SYNDIG1: variants seen among roughly 807,000 people sequenced by gnomAD.
SYNDIG1 encodes synapse differentiation inducing 1.
SYNDIG1 carries 9 observed loss-of-function variants against 19.4 expected under a neutral mutation model. The ratio of observed to expected loss-of-function variants is 0.46; its 90% CI spans 0.28 to 0.81. SYNDIG1 has a LOEUF of 0.81. Ranked by LOEUF, SYNDIG1 falls within the 30% of genes least tolerant of loss-of-function variation. The pLI is 0.12. For synonymous variants in SYNDIG1, 141 were observed against 145.9 expected (o/e 0.97, Z 0.24); for missense variants, 311 against 343.3 (o/e 0.91, Z 0.74).
rs771324913 is a variant in SYNDIG1 at position 24,543,097 on chromosome 20, C to T, written c.-1C>T. 1 of 1,612,438 alleles carries T rather than the reference C, an allele frequency of 6.2e-7. No individual in the cohort carries two copies. Among genetic ancestry groups the T allele is most frequent in the Admixed American group, 1.7e-5 (1 of 59,976 alleles). ...TGACGCCCAGCCAGGGAGAGAGTAC[C>T]ATGGATGGCATCATTGAACAGAAGA... On this transcript the variant is annotated 5_prime_UTR_variant, in exon 2 of 4. Coordinates refer to ENST00000376862, the MANE Select transcript of SYNDIG1 (RefSeq NM_024893.3).
In SYNDIG1 at chr20:24,658,916, G is replaced by A. The variant is rs1246695791; in HGVS notation, c.619-6430G>A. Among the ~76,000 whole-genome samples the A allele has an allele frequency of 6.6e-6, 1 of 152,136 alleles. No individual in the cohort carries two copies. The highest frequency in any genetic ancestry group is 2.4e-5 in the African/African-American group (1 of 41,424). On this transcript the variant is annotated intron_variant, in intron 3 of 3. Coordinates refer to ENST00000376862, the MANE Select transcript of SYNDIG1 (RefSeq NM_024893.3). This position sits in a 1 kb window ranked among gnomAD's most constrained non-coding sequence, Gnocchi z 4.4. ...CAGTCACATGAGCCATGCCCCAAGT[G>A]CCATGTAGACGCAGCAAGTGGCACA... is the stretch of plus-strand genomic sequence containing the variant.
chr20:24,471,091 T>G (rs1165759792), intron 1 of SYNDIG1, among the ~76,000 whole-genome samples: 1 of 152,130 alleles, frequency 6.6e-6, no homozygotes, highest in Non-Finnish European at 1.5e-5. Flanking sequence ...GTGTTTGGTC[T>G]GAGTCCAAAG....
chr20:24,598,163 G>A (rs11906967), intron 3 of SYNDIG1, among the ~76,000 whole-genome samples: 4,634 of 152,318 alleles, frequency 0.03, 151 homozygotes, highest in African/African-American at 0.083. Context: ...GAAATGCGCT[G>A]CTGCAGACGG....
At chr20:24,640,309 A>G (rs910266471) in intron 3 of SYNDIG1, among the ~76,000 whole-genome samples, 22 of 151,644 alleles carry the variant, frequency 1.5e-4, no homozygotes, top group African/African-American at 5.1e-4. Context: ...TGACAGTGAG[A>G]AAAAAAAGAA....
intron 2 of SYNDIG1, among the ~76,000 whole-genome samples, chr20:24,547,206 G>C (rs999177047): frequency 2.6e-5 from 4 of 152,218 alleles, no homozygotes; most frequent in Non-Finnish European, 5.9e-5. Context: ...TGGAGCTCCT[G>C]GGCACTGGGT....
At position 24,543,196 on chromosome 20, in the gene SYNDIG1, C is replaced by T. The variant is rs200752294; in HGVS notation, c.99C>T (p.Ala33=). The T allele has an allele frequency of 7.4e-6, 12 of 1,613,994 alleles. No homozygotes were observed. Among genetic ancestry groups the T allele is most frequent in the Middle Eastern group, 1.6e-4 (1 of 6,062 alleles). ...NGLINTRNLM[A]ESRDGLVSVY... ...TAATTAACACCAGAAACTTGATGGC[C>T]GAGAGCAGAGATGGTCTGGTGTCTG... The change falls in exon 2 of 4, where the codon GCC becomes GCT. Residue 33 remains alanine, a synonymous_variant. Transcript: ENST00000376862.
chr20:24,577,030 A>C (rs967428618), intron 2 of SYNDIG1, among the ~76,000 whole-genome samples: 2 of 149,644 alleles, frequency 1.3e-5, no homozygotes, highest in Non-Finnish European at 3.0e-5. Flanking sequence ...CAAAAAAAAA[A>C]CTGCTACCTA....
intron 1 of SYNDIG1, among the ~76,000 whole-genome samples, chr20:24,501,595 G>A (rs541559359): frequency 6.6e-6 from 1 of 152,298 alleles, no homozygotes; most frequent in South Asian, 2.1e-4. Flanking sequence ...CCACTTATTA[G>A]CTGTGTGACC....
intron 2 of SYNDIG1, among the ~76,000 whole-genome samples, chr20:24,578,849 T>C (rs1393703823): frequency 6.6e-6 from 1 of 152,156 alleles, no homozygotes; most frequent in Non-Finnish European, 1.5e-5. Context: ...TTTTGTGCCT[T>C]TCCACAGTGT....
intron 3 of SYNDIG1, among the ~76,000 whole-genome samples, chr20:24,653,321 C>T (rs1296860656): frequency 3.9e-5 from 6 of 152,172 alleles, no homozygotes; most frequent in Non-Finnish European, 8.8e-5. Flanking sequence ...ACTCCACCAC[C>T]ACCGTGAGGA....
chr20:24,616,337 C>A (rs1408431092), intron 3 of SYNDIG1, among the ~76,000 whole-genome samples: 3 of 152,238 alleles, frequency 2.0e-5, no homozygotes, highest in Non-Finnish European at 4.4e-5. Context: ...CTGGCCGGCA[C>A]CTCCTTCCCA....
intron 3 of SYNDIG1, among the ~76,000 whole-genome samples, chr20:24,659,135 C>T (rs2059559524): frequency 6.6e-6 from 1 of 152,190 alleles, no homozygotes; most frequent in African/African-American, 2.4e-5. Flanking sequence ...CTCCCTGTGC[C>T]CTGTTGAGCC....
At chr20:24,624,927 GA>G (rs2059099082) in intron 3 of SYNDIG1, among the ~76,000 whole-genome samples, 1 of 151,970 alleles carries the variant, frequency 6.6e-6, no homozygotes, top group East Asian at 1.9e-4. Context: ...TTGGAACTTA[GA>G]AAAAAACCCT....
At chr20:24,490,880 C>T (rs2056127543) in intron 1 of SYNDIG1, among the ~76,000 whole-genome samples, 1 of 152,150 alleles carries the variant, frequency 6.6e-6, no homozygotes, top group Admixed American at 6.5e-5. Flanking sequence ...AAATTTGCAC[C>T]AGTGTGAGTG....
At chr20:24,574,534 A>G (rs2058196630) in intron 2 of SYNDIG1, among the ~76,000 whole-genome samples, 1 of 151,952 alleles carries the variant, frequency 6.6e-6, no homozygotes, top group Non-Finnish European at 1.5e-5. Context: ...AATAAAAATA[A>G]TGCATTTGCT....
intron 3 of SYNDIG1, among the ~76,000 whole-genome samples, chr20:24,663,132 A>G (rs6114819): frequency 0.53 from 80,661 of 152,064 alleles, 24,437 homozygotes; most frequent in East Asian, 0.87. Flanking sequence ...TCTGCCTTGC[A>G]GGAGTGGGCA....
chr20:24,600,164 T>C lies in SYNDIG1; in HGVS notation c.618+15171T>C, dbSNP rs150491452. ...TTTCCACATATGTGATATATTATTA[T>C]ACATTTTTGAAAGTTAGAAAAAAGG... On this transcript the variant is annotated intron_variant, in intron 3 of 3. Coordinates refer to ENST00000376862, the MANE Select transcript of SYNDIG1 (RefSeq NM_024893.3). 7.4e-4 allele frequency among the ~76,000 whole-genome samples: 112 copies of C among 152,354 alleles called. No homozygotes were observed. The East Asian group carries it at 0.014, about 20-fold the overall frequency.
chr20:24,482,959 A>AC (rs1382428550), intron 1 of SYNDIG1, among the ~76,000 whole-genome samples: 5 of 152,232 alleles, frequency 3.3e-5, no homozygotes, highest in African/African-American at 1.2e-4. Context: ...AGGAACTTCC[A>AC]TGGTTTTAAT....
intron 3 of SYNDIG1, among the ~76,000 whole-genome samples, chr20:24,650,260 C>G (rs532820473): frequency 6.6e-6 from 1 of 152,356 alleles, no homozygotes; most frequent in South Asian, 2.1e-4. Flanking sequence ...AGTGAACCAG[C>G]TAGAAAGCAG....
Sources: gnomAD v4.1 joint callset for allele counts (sites outside exome capture counted in the v4.1 genomes callset) on GRCh38, gnomAD v4.1.1 for gene constraint, Gnocchi (gnomAD v3.1) non-coding constraint, MANE v1.5 for transcripts, NCBI Gene and HGNC (gene_info 2026-07-23, HGNC 2026-07-21) for gene names.